TTLL10: variants seen among roughly 807,000 people sequenced by gnomAD.
TTLL10 encodes the protein tubulin tyrosine ligase like 10.
In TTLL10, 61 loss-of-function variants were observed where a neutral mutation model predicts 69.0. The ratio of observed to expected loss-of-function variants is 0.88; its 90% CI spans 0.72 to 1.09. The LOEUF is 1.09. TTLL10 is among the 50% of genes least tolerant of loss of function. The probability of loss-of-function intolerance (pLI) is 0.00; values close to 1 mark genes in which losing one functional copy is unlikely to be tolerated. For missense variants in TTLL10, 962 were observed against 945.9 expected (o/e 1.02, Z -0.22); for synonymous variants, 408 against 393.3 (o/e 1.04, Z -0.44).
Position 1,185,173 on chromosome 1 carries a change from C to T in TTLL10, c.1401+64C>T. 1 of 1,582,840 alleles carries T rather than the reference C, an allele frequency of 6.3e-7. No individual in the cohort carries two copies. The highest frequency in any genetic ancestry group is 8.6e-7 in the Non-Finnish European group (1 of 1,162,532). On this transcript the variant is annotated intron_variant, in intron 13 of 15. Coordinates refer to ENST00000379289, the MANE Select transcript of TTLL10 (RefSeq NM_001130045.2). This position sits in a 1 kb window ranked among gnomAD's most constrained non-coding sequence, Gnocchi z 6.1. ...CTCGGGGCGGGGGTGTGTGGTCAGG[C>T]TGGGCACCAGGCACACAGATGTCCG...
At chr1:1,182,150 G>T (rs1647089597) in intron 9 of TTLL10, among the ~76,000 whole-genome samples, 1 of 152,252 alleles carries the variant, frequency 6.6e-6, no homozygotes. Context: ...GTGGGGGTCA[G>T]CGGCCAGAAG....
intron 13 of TTLL10, among the ~76,000 whole-genome samples, chr1:1,192,463 G>A (rs61768487): frequency 0.017 from 2,104 of 120,432 alleles, 10 homozygotes; most frequent in East Asian, 0.16. Context: ...GTTGGTATGA[G>A]TGTAGACACT....
chr1:1,197,727 T>C lies in TTLL10; in HGVS notation c.1902T>C (p.Asp634=). ...GCCCCGACCTGGACAGCGCCCACGA[T>C]GGGGAGCCCCAGGCCCCGGGCACGG... The part of the protein sequence containing the change: ...PPGPDLDSAH[D]GEPQAPGTEQ... Residue 634 remains aspartate (D), a synonymous_variant, in exon 16 of 16, where the codon GAT becomes GAC. Coordinates refer to ENST00000379289, the MANE Select transcript of TTLL10 (RefSeq NM_001130045.2). The C allele has an allele frequency of 6.5e-7, 1 of 1,532,362 alleles. No homozygotes were observed. Among genetic ancestry groups the C allele is most frequent in the Non-Finnish European group, 8.8e-7 (1 of 1,142,454 alleles). The allele number at this position is 1,532,362 out of a possible 1,614,324, so 94.9% of individuals were successfully genotyped here.
chr1:1,183,483 G>A (rs920265848), intron 11 of TTLL10, among the ~76,000 whole-genome samples: 2 of 152,046 alleles, frequency 1.3e-5, no homozygotes, highest in African/African-American at 2.4e-5. Context: ...CCTCACCCCC[G>A]GCCCTCGTAG....
At chr1:1,188,490 C>T (rs1418298375) in intron 13 of TTLL10, among the ~76,000 whole-genome samples, 3 of 151,448 alleles carry the variant, frequency 2.0e-5, no homozygotes, top group Non-Finnish European at 2.9e-5. Flanking sequence ...ACTGCAGCCT[C>T]GCCTCCCAGG....
chr1:1,183,614 T>G (rs911627713), intron 11 of TTLL10, among the ~76,000 whole-genome samples: 3 of 152,166 alleles, frequency 2.0e-5, no homozygotes, highest in Admixed American at 1.3e-4. Context: ...GTGCTCCCTC[T>G]GCCTAGCGCC....
At position 1,181,944 on chromosome 1, in the gene TTLL10, CAGCCA is replaced by C. The variant is rs1191377409; in HGVS notation, c.830+130_830+134del. On this transcript the variant is annotated intron_variant, in intron 9 of 15. Coordinates refer to ENST00000379289, the MANE Select transcript of TTLL10 (RefSeq NM_001130045.2). This position sits in a 1 kb window ranked among gnomAD's most constrained non-coding sequence, Gnocchi z 4.6. ...AAACCACGAGCTAGAGTCAGAGGTT[CAGCCA>C]GGCCAGGCCGAGATCCACGCTGACC... 8.0e-6 allele frequency: 7 copies of C among 878,122 alleles called. No homozygotes were observed. The African/African-American group carries it at 1.0e-4, about 13-fold the overall frequency. The allele number at this position is 878,122 out of a possible 1,614,324, so 54.4% of individuals were successfully genotyped here.
chr1:1,195,546 T>C (rs1308326401), intron 13 of TTLL10, among the ~76,000 whole-genome samples: 2 of 140,706 alleles, frequency 1.4e-5, no homozygotes, highest in African/African-American at 2.8e-5. Flanking sequence ...GGTTTCACCA[T>C]GTTGGCAAGG....
chr1:1,182,793 G>A, intron 10 of TTLL10, 83 bp from the exon 11 acceptor site: 2 of 1,466,342 alleles, frequency 1.4e-6, no homozygotes, highest in East Asian at 2.5e-5. Flanking sequence ...TCGCAGCCTG[G>A]AGGGGAGGGT....
chr1:1,192,195 T>C (rs901822561), intron 13 of TTLL10, among the ~76,000 whole-genome samples: 7 of 152,210 alleles, frequency 4.6e-5, no homozygotes, highest in African/African-American at 1.7e-4. Context: ...AAGCGGGATA[T>C]TCAGTTGTCT....
At chr1:1,179,823 C>A in intron 5 of TTLL10, 86 bp downstream of exon 5, 3 of 1,469,112 alleles carry the variant, frequency 2.0e-6, no homozygotes, top group Non-Finnish European at 9.0e-7. Context: ...GAAGCCTGGC[C>A]CTGGAGGGTG....
intron 13 of TTLL10, among the ~76,000 whole-genome samples, chr1:1,187,535 A>G (rs28595293): frequency 0.39 from 59,641 of 151,814 alleles, 13,710 homozygotes; most frequent in East Asian, 0.85. Flanking sequence ...GAGGCTGAGA[A>G]AGAAGAATTG....
intron 13 of TTLL10, among the ~76,000 whole-genome samples, chr1:1,186,245 C>T (rs4081334): frequency 7.2e-5 from 11 of 152,002 alleles, no homozygotes; most frequent in Non-Finnish European, 1.2e-4. Context: ...CCCGCCACCA[C>T]GCGCGGCTAA....
At chr1:1,176,685 T>A (rs1325350727) in intron 3 of TTLL10, among the ~76,000 whole-genome samples, 4 of 152,092 alleles carry the variant, frequency 2.6e-5, no homozygotes, top group African/African-American at 4.8e-5. Flanking sequence ...GGACCACACC[T>A]CCTTCCTCCG....
rs1291449707 is a variant in TTLL10, at chr1:1,196,541, C to T, written c.1402-59C>T. 2.3e-6 allele frequency: 3 copies of T among 1,319,148 alleles called. No individual in the cohort carries two copies. In the African/African-American group the frequency reaches 4.4e-5, roughly 19 times the overall value. 81.7% of individuals were successfully genotyped at this position (1,319,148 alleles called of 1,614,324 possible). A position where few individuals can be genotyped will look rare whatever the true frequency, so the allele number is the denominator to read the frequency against. On this transcript the variant is annotated intron_variant, in intron 13 of 15. Coordinates refer to ENST00000379289, the MANE Select transcript of TTLL10 (RefSeq NM_001130045.2). ...AGGGATGTGGCTGTGGCTGTTCAGA[C>T]CTGGGGTGTGATCAGGGCCTACGGG... is the stretch of plus-strand genomic sequence containing the variant.
intron 3 of TTLL10, chr1:1,175,472 C>T (rs937694382): frequency 2.5e-5 from 9 of 361,286 alleles, no homozygotes; most frequent in South Asian, 6.2e-5. Flanking sequence ...CATCCCGGCA[C>T]GAATGATGTT....
intron 3 of TTLL10, among the ~76,000 whole-genome samples, chr1:1,178,708 G>T (rs1004204960): frequency 1.3e-5 from 2 of 152,208 alleles, no homozygotes; most frequent in African/African-American, 2.4e-5. Context: ...GTGTCCTGGG[G>T]GTCGGGCCTG....
chr1:1,180,056 G>A lies in TTLL10; in HGVS notation c.222G>A (p.Met74Ile), dbSNP rs780748749. Residue 74 changes from methionine (M) to isoleucine (I), a missense_variant, in exon 6 of 16, where the codon ATG becomes ATA. Transcript: ENST00000379289. ...CPVGPAHERPMGSSQEEGLRC... is the reference protein window; with the variant it reads ...CPVGPAHERPIGSSQEEGLRC... ...CAGGCCCGGCCCACGAGAGGCCAATGGGGAGCAGCCAGGAGGAGGGACTCC... is the reference window on the plus strand; with the variant it reads ...CAGGCCCGGCCCACGAGAGGCCAATAGGGAGCAGCCAGGAGGAGGGACTCC... 3 of 1,582,308 alleles carry A rather than the reference G, an allele frequency of 1.9e-6. No homozygotes were observed. The highest frequency in any genetic ancestry group is 2.6e-6 in the Non-Finnish European group (3 of 1,163,982).
rs149892297 is a variant in TTLL10 at position 1,176,745 on chromosome 1, G to A, written c.-28+2256G>A. Among the ~76,000 whole-genome samples the A allele has an allele frequency of 7.9e-4, 121 of 152,258 alleles. 1 individual carries two copies. Among genetic ancestry groups the A allele is most frequent in the African/African-American group, 2.8e-3 (115 of 41,532 alleles). On this transcript the variant is annotated intron_variant, in intron 3 of 15. Transcript: ENST00000379289. ...CCTCCCCTCTCGCCTGGGGCTCCACGGTGACCCTGCTGTGCGGCACCTCGG... is the reference window on the plus strand; with the variant it reads ...CCTCCCCTCTCGCCTGGGGCTCCACAGTGACCCTGCTGTGCGGCACCTCGG...
Sources: gnomAD v4.1 joint callset for allele counts (sites outside exome capture counted in the v4.1 genomes callset) on GRCh38, gnomAD v4.1.1 for gene constraint, Gnocchi (gnomAD v3.1) non-coding constraint, MANE v1.5 for transcripts, NCBI Gene and HGNC (gene_info 2026-07-23, HGNC 2026-07-21) for gene names.